MADD: variants seen among roughly 807,000 people sequenced by gnomAD.
MADD encodes the protein MAP kinase-activating death domain protein.
MADD carries 109 observed loss-of-function variants against 176.7 expected under a neutral mutation model. The observed-to-expected ratio is 0.62, with a 90% CI of 0.53 to 0.72. MADD has a LOEUF of 0.72. MADD is among the 30% of genes least tolerant of loss of function. The pLI, the probability that MADD is intolerant of heterozygous loss-of-function variation, is 0.00. For synonymous variants in MADD, 771 were observed against 771.3 expected (o/e 1.00, Z 0.01); for missense variants, 1,914 against 2,045.5 (o/e 0.94, Z 1.24).
At chr11:47,301,879 A>G (rs991429965) in intron 22 of MADD, among the ~76,000 whole-genome samples, 3 of 152,138 alleles carry the variant, frequency 2.0e-5, no homozygotes, top group African/African-American at 7.2e-5. Context: ...GTCCTAGAGA[A>G]TGTTCTGGGT....
intron 8 of MADD, 68 bp from the exon 9 acceptor site, chr11:47,282,313 C>G (rs1383362643): frequency 2.7e-5 from 37 of 1,349,936 alleles, no homozygotes; most frequent in Non-Finnish European, 3.7e-5. Context: ...GGGAGGTGTT[C>G]TAAGACTTTG....
At chr11:47,290,731 A>G (rs367742634) in exon 19 of MADD, 4 of 1,614,056 alleles carry the variant, frequency 2.5e-6, no homozygotes, top group Non-Finnish European at 3.4e-6. Context: ...CACAACTGGG[A>G]CCTCGGGCAC....
Position 47,282,797 on chromosome 11 carries a change from T to C in MADD, c.1706-16T>C. The C allele has an allele frequency of 6.2e-7, 1 of 1,609,600 alleles. No individual in the cohort carries two copies. Among genetic ancestry groups the C allele is most frequent in the Admixed American group, 1.7e-5 (1 of 59,710 alleles). On this transcript the variant is annotated splice_polypyrimidine_tract_variant and intron_variant, in intron 9 of 32. Transcript: ENST00000402192. ...TCCTTGCTGCTGACTTTCTGTTCTT[T>C]TCCCTCATGGGGTAGATATGTTTGA...
intron 27 of MADD, among the ~76,000 whole-genome samples, chr11:47,322,979 T>C (rs1257341140): frequency 6.6e-6 from 1 of 152,176 alleles, no homozygotes; most frequent in Non-Finnish European, 1.5e-5. Flanking sequence ...GGCTCACGCC[T>C]GTAATCCCAG....
chr11:47,286,673 G>A (rs1015448629), intron 15 of MADD, 139 bp downstream of exon 15: 9 of 634,992 alleles, frequency 1.4e-5, no homozygotes, highest in African/African-American at 1.3e-4. Context: ...GGCTTTCACC[G>A]CACATCCTGG....
At chr11:47,314,432 A>C (rs553199723) in intron 26 of MADD, among the ~76,000 whole-genome samples, 1 of 152,148 alleles carries the variant, frequency 6.6e-6, no homozygotes, top group East Asian at 1.9e-4. Flanking sequence ...CAGATTCCAC[A>C]CTGCAACTAA....
At chr11:47,306,534 G>C (rs568768499) in intron 22 of MADD, among the ~76,000 whole-genome samples, 1 of 152,294 alleles carries the variant, frequency 6.6e-6, no homozygotes, top group East Asian at 1.9e-4. Flanking sequence ...GGTGAAGTCT[G>C]TAGGTGTCCA....
At chr11:47,329,057 C>G in exon 33 of MADD, 1 of 1,614,022 alleles carries the variant, frequency 6.2e-7, no homozygotes, top group Non-Finnish European at 8.5e-7. Context: ...CCCACGAAAT[C>G]TGCTACTCCG....
chr11:47,317,742 T>C (rs2093475760), intron 27 of MADD, among the ~76,000 whole-genome samples: 1 of 152,062 alleles, frequency 6.6e-6, no homozygotes, highest in African/African-American at 2.4e-5. Flanking sequence ...ATGGTATTTT[T>C]TGACACACAT....
In MADD at chr11:47,274,819, AAGG is replaced by A. The variant is rs2048262173; in HGVS notation, c.322_324del (p.Glu108del). On this transcript the variant is annotated inframe_deletion, in exon 3 of 33. Coordinates refer to ENST00000402192, the Ensembl canonical transcript of MADD. ...CCGCTCCTTCCAAAAGCGAATCTCT[AAGG>A]AGAAGGGGGAAGGTGGGGCAGGGTC... The A allele has an allele frequency of 3.1e-6, 5 of 1,614,022 alleles. No homozygotes were observed. In the East Asian group the frequency reaches 1.1e-4, roughly 36 times the overall value.
chr11:47,324,902 C>T (rs970421061), intron 30 of MADD: 5 of 603,604 alleles, frequency 8.3e-6, no homozygotes, highest in African/African-American at 1.9e-5. Flanking sequence ...GTGTCTCTGC[C>T]TTCCTCTATT....
chr11:47,304,728 G>T (rs972916942), intron 22 of MADD, among the ~76,000 whole-genome samples: 4 of 151,610 alleles, frequency 2.6e-5, no homozygotes, highest in Non-Finnish European at 5.9e-5. Flanking sequence ...TTATTTTCTG[G>T]CAATTAATTG....
At chr11:47,283,519 C>T (rs528989368) in intron 10 of MADD, among the ~76,000 whole-genome samples, 4 of 151,490 alleles carry the variant, frequency 2.6e-5, no homozygotes, top group South Asian at 2.1e-4. Context: ...CTCCTGCCTC[C>T]GCCTCCCAAG....
intron 22 of MADD, among the ~76,000 whole-genome samples, chr11:47,302,691 T>C (rs2078837678): frequency 6.6e-6 from 1 of 152,232 alleles, no homozygotes; most frequent in Non-Finnish European, 1.5e-5. Context: ...AAGTATTTTT[T>C]TTTTTTAATC....
At chr11:47,321,797 A>G (rs1043281315) in intron 27 of MADD, among the ~76,000 whole-genome samples, 4 of 152,164 alleles carry the variant, frequency 2.6e-5, no homozygotes, top group African/African-American at 4.8e-5. Flanking sequence ...TCGGGCATCA[A>G]TTCTTCATTT....
intron 26 of MADD, among the ~76,000 whole-genome samples, chr11:47,312,487 C>T (rs1304438289): frequency 3.3e-5 from 5 of 152,278 alleles, no homozygotes; most frequent in South Asian, 2.1e-4. Context: ...AGTGCAATGG[C>T]GCAATTTTGG....
At chr11:47,295,941 G>A (rs746357314) in exon 22 of MADD, 24 of 1,613,964 alleles carry the variant, frequency 1.5e-5, no homozygotes, top group Admixed American at 8.3e-5. Flanking sequence ...ACAGTGACTT[G>A]AGCAGCAATG....
At chr11:47,274,636 T>C in exon 3 of MADD, 1 of 1,614,144 alleles carries the variant, frequency 6.2e-7, no homozygotes, top group Non-Finnish European at 8.5e-7. Flanking sequence ...TCACACTGAG[T>C]TTCCCCTGCC....
rs372192268 is a variant in MADD at position 47,315,302 on chromosome 11, C to T, written c.4172C>T (p.Thr1391Ile). 2.0e-5 allele frequency: 33 copies of T among 1,613,116 alleles called. No individual in the cohort carries two copies. In the East Asian group the frequency reaches 6.7e-4, roughly 33 times the overall value. The change falls in exon 27 of 33, where the codon ACA (threonine) becomes ATA (isoleucine). Residue 1391 changes from threonine (T) to isoleucine (I), a missense_variant. Thr to Ile is a moderately conservative substitution (Grantham distance 89). Transcript: ENST00000402192. Reference sequence around the variant, plus strand: ...TTTGTGGTACATGCAGGGACAGATACAAACGGAGATATCTTTTTCATGGAG... The same window carrying T: ...TTTGTGGTACATGCAGGGACAGATATAAACGGAGATATCTTTTTCATGGAG...
Sources: allele counts gnomAD v4.1 joint callset (sites outside exome capture counted in the v4.1 genomes callset), GRCh38; gene constraint gnomAD v4.1.1; transcripts MANE v1.5; gene names NCBI Gene and HGNC (gene_info 2026-07-23, HGNC 2026-07-21).